MAP3K3: variants seen among roughly 807,000 people sequenced by gnomAD.
The protein encoded by MAP3K3 is mitogen-activated protein kinase kinase kinase 3.
In MAP3K3, 12 loss-of-function variants were observed where a neutral mutation model predicts 80.9. The ratio of observed to expected loss-of-function variants is 0.15; its 90% CI spans 0.10 to 0.24. The LOEUF (loss-of-function observed/expected upper bound fraction) is 0.24. MAP3K3 is among the 10% of genes least tolerant of loss of function. The pLI is 1.00. For missense variants in MAP3K3, 596 were observed against 834.7 expected, an observed-to-expected ratio of 0.71 and a Z score of 3.52; for synonymous variants, 272 against 307.1, an observed-to-expected ratio of 0.89 and a Z score of 1.19.
At chr17:63,627,153 G>C (rs952996731) in intron 1 of MAP3K3, among the ~76,000 whole-genome samples, 3 of 152,166 alleles carry the variant, frequency 2.0e-5, no homozygotes, top group Non-Finnish European at 4.4e-5. Flanking sequence ...GGGGTACCAG[G>C]AGAAGAAAAA....
chr17:63,691,050 C>T lies in MAP3K3; in HGVS notation c.1213-52C>T, dbSNP rs372995382. 47 of 1,607,786 alleles carry T rather than the reference C, an allele frequency of 2.9e-5. No homozygotes were observed. The highest frequency in any genetic ancestry group is 8.4e-5 in the Admixed American group (5 of 59,780). ...TAGGGCAAGCTGAGCTGAACCCAGGCGGGCAGAACTAGGGCCCTGAGAGCT... is the reference window on the plus strand; with the variant it reads ...TAGGGCAAGCTGAGCTGAACCCAGGTGGGCAGAACTAGGGCCCTGAGAGCT... On this transcript the variant is annotated intron_variant, in intron 12 of 15. Transcript: ENST00000361733. The surrounding 1 kb of genome is among the most constrained non-coding windows in gnomAD (Gnocchi z 4.8).
chr17:63,628,357 T>A (rs907420759), intron 1 of MAP3K3, among the ~76,000 whole-genome samples: 12 of 151,806 alleles, frequency 7.9e-5, no homozygotes, highest in Non-Finnish European at 1.6e-4. Flanking sequence ...ATTGTCTAAT[T>A]CTGTCTTTTT....
intron 6 of MAP3K3, among the ~76,000 whole-genome samples, chr17:63,669,432 C>T (rs564642458): frequency 2.0e-5 from 3 of 152,098 alleles, no homozygotes; most frequent in African/African-American, 7.2e-5. Context: ...AAAATGTTTG[C>T]CCCTTATACC....
intron 2 of MAP3K3, among the ~76,000 whole-genome samples, chr17:63,638,884 G>A (rs1427874261): frequency 6.6e-6 from 1 of 152,126 alleles, no homozygotes; most frequent in Non-Finnish European, 1.5e-5. Context: ...AAATTAGCTG[G>A]GCATGATGAT....
intron 2 of MAP3K3, among the ~76,000 whole-genome samples, chr17:63,634,332 T>C (rs2034276902): frequency 6.6e-6 from 1 of 152,212 alleles, no homozygotes; most frequent in Non-Finnish European, 1.5e-5. Flanking sequence ...CAGACTGGAC[T>C]ATTAGCATGA....
chr17:63,651,219 T>TA (rs60662082), intron 3 of MAP3K3, among the ~76,000 whole-genome samples: 2,548 of 152,246 alleles, frequency 0.017, 65 homozygotes, highest in African/African-American at 0.059. Flanking sequence ...CATGGTGGCT[T>TA]ACACCTATAA....
chr17:63,664,188 A>G (rs2034954560), intron 5 of MAP3K3, among the ~76,000 whole-genome samples: 1 of 140,284 alleles, frequency 7.1e-6, no homozygotes, highest in African/African-American at 2.7e-5. Flanking sequence ...CGGAGCTTGC[A>G]GTGAGCCGAG....
intron 5 of MAP3K3, among the ~76,000 whole-genome samples, chr17:63,666,394 G>A (rs2035000783): frequency 6.6e-6 from 1 of 152,160 alleles, no homozygotes; most frequent in Non-Finnish European, 1.5e-5. Flanking sequence ...AGCTAACCCG[G>A]AGGCTGAGGT....
rs137905223 is a variant in MAP3K3, at chr17:63,643,435, C to T, written c.127-2599C>T. 7.2e-5 allele frequency among the ~76,000 whole-genome samples: 11 copies of T among 151,978 alleles called. No homozygotes were observed. The South Asian group carries it at 1.2e-3, about 17-fold the overall frequency. ...GGTAGGAGAATCAATCACCTGTGCC[C>T]GGGAAGTCAAGGCTGCAGTGAGCCG... is the stretch of plus-strand genomic sequence containing the variant. On this transcript the variant is annotated intron_variant, in intron 2 of 15. Transcript: ENST00000361733.
chr17:63,661,246 A>G (rs1171850351), intron 5 of MAP3K3, among the ~76,000 whole-genome samples: 1 of 151,962 alleles, frequency 6.6e-6, no homozygotes, highest in African/African-American at 2.4e-5. Flanking sequence ...GGGGTTTCGC[A>G]CTGTTGGCGA....
chr17:63,681,216 G>A (rs947237564), intron 6 of MAP3K3, among the ~76,000 whole-genome samples: 4 of 151,840 alleles, frequency 2.6e-5, no homozygotes, highest in Admixed American at 1.3e-4. Flanking sequence ...AGACCATCAC[G>A]AAGGCCTTTT....
Position 63,689,811 on chromosome 17 carries a change from C to T in MAP3K3, c.1063+76C>T. On this transcript the variant is annotated intron_variant, in intron 11 of 15. Coordinates refer to ENST00000361733, the MANE Select transcript of MAP3K3 (RefSeq NM_002401.5). This position sits in a 1 kb window ranked among gnomAD's most constrained non-coding sequence, Gnocchi z 4.3. ...AGCTACGGGGGCAAACAGCTGGGCC[C>T]CTGGGACCCTTAGGCTCAGCAGGTG... The T allele has an allele frequency of 1.4e-6, 2 of 1,427,788 alleles. No individual in the cohort carries two copies. Among genetic ancestry groups the T allele is most frequent in the South Asian group, 1.4e-5 (1 of 74,070 alleles). The allele number at this position is 1,427,788 out of a possible 1,614,324, so 88.4% of individuals were successfully genotyped here.
chr17:63,686,770 T>A (rs1047373463), intron 8 of MAP3K3, among the ~76,000 whole-genome samples: 2 of 152,230 alleles, frequency 1.3e-5, no homozygotes, highest in African/African-American at 4.8e-5. Context: ...GTGCCTGCAG[T>A]ACTTTGTTTT....
intron 6 of MAP3K3, among the ~76,000 whole-genome samples, chr17:63,679,860 A>G (rs1266305420): frequency 6.6e-6 from 1 of 152,198 alleles, no homozygotes; most frequent in Non-Finnish European, 1.5e-5. Context: ...AAAACTGTGT[A>G]TCTCAGATTT....
At chr17:63,636,292 A>T (rs2034322080) in intron 2 of MAP3K3, among the ~76,000 whole-genome samples, 1 of 152,180 alleles carries the variant, frequency 6.6e-6, no homozygotes, top group Admixed American at 6.5e-5. Context: ...AGCTATTAAC[A>T]ATTTTCTAGG....
At chr17:63,665,738 C>T (rs1370053119) in intron 5 of MAP3K3, among the ~76,000 whole-genome samples, 2 of 152,146 alleles carry the variant, frequency 1.3e-5, no homozygotes, top group African/African-American at 2.4e-5. Context: ...TCAGCAAGAA[C>T]ATTCACTTCC....
At position 63,693,663 on chromosome 17, in the gene MAP3K3, C is replaced by T; in HGVS notation, c.1767C>T (p.Pro589=). Residue 589 remains proline (P), a synonymous_variant, in exon 16 of 16, where the codon CCC becomes CCT. Transcript: ENST00000361733. The surrounding 1 kb of genome is among the most constrained non-coding windows in gnomAD (Gnocchi z 4.2). The part of the protein sequence containing the change: ...IATQPTNPQL[P]SHISEHGRDF... ...CCCAGCCCACCAATCCTCAGCTGCC[C>T]TCCCACATCTCTGAACATGGCCGGG... The T allele has an allele frequency of 1.9e-6, 3 of 1,609,716 alleles. No individual in the cohort carries two copies. Among genetic ancestry groups the T allele is most frequent in the Non-Finnish European group, 2.5e-6 (3 of 1,177,174 alleles).
At chr17:63,630,502 A>AT (rs1278808781) in intron 1 of MAP3K3, among the ~76,000 whole-genome samples, 2 of 151,788 alleles carry the variant, frequency 1.3e-5, no homozygotes, top group Non-Finnish European at 2.9e-5. Context: ...AATTTTTTGT[A>AT]TTTTTTGTAG....
chr17:63,622,851 C>G (rs1178257344), intron 1 of MAP3K3, 88 bp downstream of exon 1: 2 of 376,632 alleles, frequency 5.3e-6, no homozygotes, highest in Non-Finnish European at 1.1e-5. Context: ...GGGCCACCGC[C>G]TGACAGGCAT....
Sources: allele counts gnomAD v4.1 joint callset (sites outside exome capture counted in the v4.1 genomes callset), GRCh38; gene constraint gnomAD v4.1.1; non-coding constraint Gnocchi (gnomAD v3.1); transcripts MANE v1.5; gene names NCBI Gene and HGNC (gene_info 2026-07-23, HGNC 2026-07-21).